ELAVL2: variants seen among roughly 807,000 people sequenced by gnomAD.
ELAVL2 encodes ELAV like RNA binding protein 2.
In ELAVL2, 4 loss-of-function variants were observed where a neutral mutation model predicts 34.6. That is an observed-to-expected ratio of 0.12 (90% CI 0.06 to 0.26). ELAVL2 has a LOEUF of 0.26. Ranked by LOEUF, ELAVL2 falls within the 10% of genes least tolerant of loss-of-function variation. The pLI, the probability that ELAVL2 is intolerant of heterozygous loss-of-function variation, is 1.00. For missense variants in ELAVL2, 432 were observed against 442.8 expected, an observed-to-expected ratio of 0.98 and a Z score of 0.22; for synonymous variants, 193 against 154.8, an observed-to-expected ratio of 1.25 and a Z score of -1.83.
chr9:23,716,993 T>C (rs933910525), intron 3 of ELAVL2, among the ~76,000 whole-genome samples: 2 of 152,160 alleles, frequency 1.3e-5, no homozygotes, highest in Non-Finnish European at 2.9e-5. Flanking sequence ...GTAAGTATTA[T>C]CAGACAGAAA....
intron 5 of ELAVL2, among the ~76,000 whole-genome samples, chr9:23,699,426 G>C (rs2036373710): frequency 6.6e-6 from 1 of 151,992 alleles, no homozygotes; most frequent in East Asian, 1.9e-4. Context: ...GAAAAAAAAA[G>C]TAGCTAATAT....
At chr9:23,738,640 G>A (rs2048440052) in intron 2 of ELAVL2, among the ~76,000 whole-genome samples, 2 of 152,140 alleles carry the variant, frequency 1.3e-5, no homozygotes, top group Non-Finnish European at 2.9e-5. Flanking sequence ...TAATAAAGCT[G>A]GCCTGAGACT....
intron 1 of ELAVL2, among the ~76,000 whole-genome samples, chr9:23,823,448 G>GT (rs1475706245): frequency 2.0e-5 from 3 of 152,148 alleles, no homozygotes; most frequent in African/African-American, 7.2e-5. Context: ...CAACCGTAGC[G>GT]TTTTTTGTGA....
At chr9:23,745,645 AT>A (rs1437966878) in intron 2 of ELAVL2, among the ~76,000 whole-genome samples, 1 of 152,210 alleles carries the variant, frequency 6.6e-6, no homozygotes, top group Non-Finnish European at 1.5e-5. Context: ...TATACTACTT[AT>A]CCCATAGGAC....
chr9:23,749,994 GAAC>G (rs1241384586), intron 2 of ELAVL2, among the ~76,000 whole-genome samples: 1 of 148,096 alleles, frequency 6.8e-6, no homozygotes, highest in Non-Finnish European at 1.5e-5. Flanking sequence ...CACTGGTCAT[GAAC>G]ACAGTGGCCT....
chr9:23,736,535 T>C (rs546115892), intron 2 of ELAVL2, among the ~76,000 whole-genome samples: 1 of 152,130 alleles, frequency 6.6e-6, no homozygotes, highest in East Asian at 1.9e-4. Flanking sequence ...GCAGGCCCTA[T>C]CCTGCAGGTA....
At chr9:23,762,990 A>C (rs995320272) in intron 1 of ELAVL2, among the ~76,000 whole-genome samples, 1 of 152,088 alleles carries the variant, frequency 6.6e-6, no homozygotes, top group Non-Finnish European at 1.5e-5. Context: ...ATTACCAACA[A>C]GGTGACTGAT....
At chr9:23,843,063 G>A in the ELAVL2 span, among the ~76,000 whole-genome samples, 2 of 152,058 alleles carry the variant, frequency 1.3e-5, no homozygotes, top group African/African-American at 2.4e-5. Context: ...CTTTTGAAGA[G>A]CAACAATTAT....
At chr9:23,729,621 G>C (rs1017250915) in intron 3 of ELAVL2, among the ~76,000 whole-genome samples, 2 of 152,020 alleles carry the variant, frequency 1.3e-5, no homozygotes, top group South Asian at 2.1e-4. Context: ...TTCATTTTCT[G>C]ATTGGTGAAT....
intron 1 of ELAVL2, among the ~76,000 whole-genome samples, chr9:23,788,344 A>C (rs1403227933): frequency 6.6e-6 from 1 of 152,154 alleles, no homozygotes; most frequent in Non-Finnish European, 1.5e-5. Context: ...TGGAGAAAAT[A>C]ATCCTATCAT....
At chr9:23,776,954 AAAG>A (rs1404514016) in intron 1 of ELAVL2, among the ~76,000 whole-genome samples, 7 of 152,186 alleles carry the variant, frequency 4.6e-5, no homozygotes, top group African/African-American at 1.7e-4. Flanking sequence ...TTTAAATTAT[AAAG>A]AAGAGCAGGC....
chr9:23,766,265 G>T (rs992396362), intron 1 of ELAVL2, among the ~76,000 whole-genome samples: 1 of 152,182 alleles, frequency 6.6e-6, no homozygotes, highest in African/African-American at 2.4e-5. Flanking sequence ...TTCTCCCACT[G>T]TAACAAGAGA....
intron 3 of ELAVL2, among the ~76,000 whole-genome samples, chr9:23,713,682 T>C (rs3829088): frequency 0.13 from 20,262 of 152,142 alleles, 1,453 homozygotes; most frequent in East Asian, 0.16. Flanking sequence ...TACTAAGTAA[T>C]GTGAATAGGC....
intron 4 of ELAVL2, among the ~76,000 whole-genome samples, chr9:23,702,824 T>C (rs1268640841): frequency 6.6e-6 from 1 of 151,768 alleles, no homozygotes; most frequent in Non-Finnish European, 1.5e-5. Flanking sequence ...TAAGTTCACT[T>C]TGAAAGCCTT....
At chr9:23,739,882 A>G (rs1445982452) in intron 2 of ELAVL2, among the ~76,000 whole-genome samples, 1 of 152,034 alleles carries the variant, frequency 6.6e-6, no homozygotes, top group Non-Finnish European at 1.5e-5. Flanking sequence ...TCATTTTTTA[A>G]CTCAGATACC....
At chr9:23,794,125 A>C (rs1564494247) in intron 1 of ELAVL2, among the ~76,000 whole-genome samples, 1 of 152,198 alleles carries the variant, frequency 6.6e-6, no homozygotes, top group African/African-American at 2.4e-5. Context: ...ACCCAGAGAT[A>C]CTCCAATGTC....
chr9:23,717,505 G>C (rs1019734777), intron 3 of ELAVL2, among the ~76,000 whole-genome samples: 2 of 152,140 alleles, frequency 1.3e-5, no homozygotes, highest in African/African-American at 4.8e-5. Flanking sequence ...ATACTTTATG[G>C]TGTTCAGATG....
At chr9:23,789,141 G>C (rs1181334937) in intron 1 of ELAVL2, among the ~76,000 whole-genome samples, 1 of 152,056 alleles carries the variant, frequency 6.6e-6, no homozygotes, top group East Asian at 1.9e-4. Flanking sequence ...CAGTAAATGG[G>C]GAATAGAAGT....
chr9:23,765,301 T>A (rs2055984635), intron 1 of ELAVL2, among the ~76,000 whole-genome samples: 1 of 152,200 alleles, frequency 6.6e-6, no homozygotes, highest in African/African-American at 2.4e-5. Flanking sequence ...TAAGCATTTT[T>A]AATTAAGAGC....
Sources: gnomAD v4.1 joint callset for allele counts (sites outside exome capture counted in the v4.1 genomes callset) on GRCh38, gnomAD v4.1.1 for gene constraint, MANE v1.5 for transcripts, NCBI Gene and HGNC (gene_info 2026-07-23, HGNC 2026-07-21) for gene names.